Variants in HIPK2 observed in about 807,000 individuals in gnomAD.
HIPK2 encodes the protein homeodomain interacting protein kinase 2, also known as homeodomain-interacting protein kinase 2.
Under a neutral mutation model 113.7 loss-of-function variants are expected in HIPK2, and 27 were observed. The observed-to-expected ratio is 0.24, with a 90% confidence interval of 0.17 to 0.33. The LOEUF is 0.33. Among genes scored for constraint, HIPK2 ranks in the 10% least tolerant of loss-of-function variants. HIPK2 has a pLI of 1.00. For missense variants in HIPK2, 1,257 were observed against 1,588.0 expected (o/e 0.79, Z 3.54); for synonymous variants, 631 against 642.2 (o/e 0.98, Z 0.26).
At chr7:139,622,673 T>C (rs1272595520) in intron 6 of HIPK2, among the ~76,000 whole-genome samples, 2 of 152,168 alleles carry the variant, frequency 1.3e-5, no homozygotes, top group Non-Finnish European at 2.9e-5. Flanking sequence ...GCAGGGGCGC[T>C]ACAGCTGCAT....
intron 2 of HIPK2, among the ~76,000 whole-genome samples, chr7:139,715,396 T>C (rs536603315): frequency 3.3e-5 from 5 of 152,326 alleles, no homozygotes; most frequent in Non-Finnish European, 7.4e-5. Context: ...AACATCCCTT[T>C]CAACCCGTTA....
At position 139,739,614 on chromosome 7, in the gene HIPK2, G is replaced by A. The variant is rs146902174; in HGVS notation, c.20-22599C>T. The stretch of plus-strand genomic sequence containing the variant: ...AAAAAAAAAAAGGTATAGTTCAGTG[G>A]TTTTGAACACAATTGTGTGACCATC... On this transcript the variant is annotated intron_variant, in intron 1 of 14. Coordinates refer to ENST00000406875, the MANE Select transcript of HIPK2 (RefSeq NM_022740.5). Among the ~76,000 whole-genome samples the A allele has an allele frequency of 1.8e-4, 27 of 151,730 alleles. No individual in the cohort carries two copies. The East Asian group carries it at 5.2e-3, about 29-fold the overall frequency.
chr7:139,696,937 G>A (rs1043054466), intron 2 of HIPK2, among the ~76,000 whole-genome samples: 2 of 152,122 alleles, frequency 1.3e-5, no homozygotes, highest in Non-Finnish European at 1.5e-5. Flanking sequence ...CCAGTTTAGG[G>A]GTCAGGAAGC....
At chr7:139,682,583 GCTC>G (rs1794078129) in intron 2 of HIPK2, among the ~76,000 whole-genome samples, 3 of 152,148 alleles carry the variant, frequency 2.0e-5, no homozygotes, top group Non-Finnish European at 4.4e-5. Context: ...GTGCTTGACT[GCTC>G]CTCAAGAGCA....
intron 2 of HIPK2, among the ~76,000 whole-genome samples, chr7:139,648,120 C>G (rs150318990): frequency 6.6e-6 from 1 of 152,232 alleles, no homozygotes; most frequent in African/African-American, 2.4e-5. Flanking sequence ...ATTCCACCCC[C>G]AGTCTGAAAG....
chr7:139,599,552 G>C (rs1799347285), intron 11 of HIPK2, among the ~76,000 whole-genome samples: 1 of 152,166 alleles, frequency 6.6e-6, no homozygotes, highest in Admixed American at 6.5e-5. Context: ...GATTTAAAGG[G>C]AATGGGAAAG....
At chr7:139,576,911 C>T (rs1798511943) in intron 13 of HIPK2, among the ~76,000 whole-genome samples, 1 of 152,192 alleles carries the variant, frequency 6.6e-6, no homozygotes. Context: ...ACCATCACCC[C>T]TTGATAAAAG....
At position 139,717,034 on chromosome 7, in the gene HIPK2, G is replaced by A. The variant is rs766132912; in HGVS notation, c.20-19C>T. The stretch of plus-strand genomic sequence containing the variant: ...GCCATACCTACAAGGAAAGGAAAAC[G>A]AAAAGTAAGTATCGGAGTCACCTTG... On this transcript the variant is annotated intron_variant, in intron 1 of 14. Coordinates refer to ENST00000406875, the MANE Select transcript of HIPK2 (RefSeq NM_022740.5). The A allele has an allele frequency of 8.8e-6, 14 of 1,596,580 alleles. No individual in the cohort carries two copies. Among genetic ancestry groups the A allele is most frequent in the South Asian group, 1.1e-5 (1 of 89,236 alleles).
intron 7 of HIPK2, among the ~76,000 whole-genome samples, chr7:139,616,778 T>C (rs965978021): frequency 2.0e-5 from 3 of 152,272 alleles, no homozygotes; most frequent in Non-Finnish European, 4.4e-5. Context: ...GGAGGGGCTG[T>C]GTCTTAGTGG....
intron 4 of HIPK2, among the ~76,000 whole-genome samples, chr7:139,629,810 T>G (rs998155180): frequency 6.6e-6 from 1 of 152,296 alleles, no homozygotes; most frequent in South Asian, 2.1e-4. Context: ...CATGTGGGAC[T>G]GAGGCTCTTC....
At chr7:139,655,667 C>T (rs551179183) in intron 2 of HIPK2, among the ~76,000 whole-genome samples, 2 of 152,312 alleles carry the variant, frequency 1.3e-5, no homozygotes, top group South Asian at 4.2e-4. Context: ...GGGGTCTACA[C>T]ACCCCTCTTT....
intron 12 of HIPK2, among the ~76,000 whole-genome samples, chr7:139,586,481 A>T (rs1482934738): frequency 6.6e-6 from 1 of 152,078 alleles, no homozygotes; most frequent in African/African-American, 2.4e-5. Context: ...CATGAAAATG[A>T]ATGAATGCTG....
chr7:139,763,598 C>T (rs1796506467), intron 1 of HIPK2, among the ~76,000 whole-genome samples: 1 of 151,840 alleles, frequency 6.6e-6, no homozygotes, highest in Non-Finnish European at 1.5e-5. Flanking sequence ...ATATGCACCA[C>T]GTGGACCTTT....
At chr7:139,748,414 C>T (rs1381987292) in intron 1 of HIPK2, among the ~76,000 whole-genome samples, 2 of 152,106 alleles carry the variant, frequency 1.3e-5, no homozygotes, top group African/African-American at 4.8e-5. Flanking sequence ...TATTATCTCA[C>T]AGTTCTGGAG....
At chr7:139,682,601 C>G (rs1455658791) in intron 2 of HIPK2, among the ~76,000 whole-genome samples, 2 of 152,198 alleles carry the variant, frequency 1.3e-5, no homozygotes, top group Admixed American at 1.3e-4. Flanking sequence ...AGAGCAGGAA[C>G]ACTGTTTTAC....
chr7:139,762,030 T>C (rs1474192253), intron 1 of HIPK2, among the ~76,000 whole-genome samples: 2 of 152,196 alleles, frequency 1.3e-5, no homozygotes, highest in African/African-American at 4.8e-5. Context: ...AAAATGTTAT[T>C]TCTGTACTAA....
intron 2 of HIPK2, among the ~76,000 whole-genome samples, chr7:139,657,008 TTACAGGC>T (rs1347891657): frequency 6.6e-6 from 1 of 152,080 alleles, no homozygotes; most frequent in Non-Finnish European, 1.5e-5. Context: ...GTAGCTGGGG[TTACAGGC>T]TTGCACCATC....
At chr7:139,593,146 G>A (rs759369637) in intron 12 of HIPK2, among the ~76,000 whole-genome samples, 38 of 152,178 alleles carry the variant, frequency 2.5e-4, no homozygotes, top group Non-Finnish European at 4.4e-4. Flanking sequence ...AGTTATTTTT[G>A]CCAGTTATTA....
At chr7:139,609,875 A>G (rs1799752862) in intron 9 of HIPK2, among the ~76,000 whole-genome samples, 1 of 152,372 alleles carries the variant, frequency 6.6e-6, no homozygotes, top group Non-Finnish European at 1.5e-5. Flanking sequence ...AAGGTCTACC[A>G]TGTTCTTTTA....
Sources: allele counts gnomAD v4.1 joint callset (sites outside exome capture counted in the v4.1 genomes callset), GRCh38; gene constraint gnomAD v4.1.1; transcripts MANE v1.5; gene names NCBI Gene and HGNC (gene_info 2026-07-23, HGNC 2026-07-21).